The following APBA1 variants were observed in gnomAD, a reference collection of about 807,000 sequenced individuals.
APBA1 encodes the protein amyloid-beta A4 precursor protein-binding family A member 1.
Under a neutral mutation model 86.6 loss-of-function variants are expected in APBA1, and 55 were observed. The ratio of observed to expected loss-of-function variants is 0.64; its 90% CI spans 0.51 to 0.80. APBA1 has a LOEUF of 0.80. Ranked by LOEUF, APBA1 falls within the 30% of genes least tolerant of loss-of-function variation. The probability of loss-of-function intolerance (pLI) is 0.00; values close to 1 mark genes in which losing one functional copy is unlikely to be tolerated. For missense variants in APBA1, 1,090 were observed against 1,183.0 expected, an observed-to-expected ratio of 0.92 and a Z score of 1.15; for synonymous variants, 511 against 493.9, an observed-to-expected ratio of 1.03 and a Z score of -0.46.
rs375965837 is a variant in APBA1 at position 69,499,082 on chromosome 9, G to C, written c.1200+16929C>G. 7.2e-5 allele frequency among the ~76,000 whole-genome samples: 11 copies of C among 152,156 alleles called. No individual in the cohort carries two copies. The East Asian group carries it at 2.1e-3, about 29-fold the overall frequency. On this transcript the variant is annotated intron_variant, in intron 2 of 12. Coordinates refer to ENST00000265381, the MANE Select transcript of APBA1 (RefSeq NM_001163.4). ...AAGCTTCTGGGATGTTGACTTAAAG[G>C]GTATGCCAGCCCCATTTTTCTAAAC...
chr9:69,487,002 C>A (rs1387338917), intron 2 of APBA1, among the ~76,000 whole-genome samples: 1 of 151,882 alleles, frequency 6.6e-6, no homozygotes, highest in East Asian at 1.9e-4. Flanking sequence ...CCACTCTCGC[C>A]CCTTGGAGAT....
chr9:69,590,943 GA>G (rs1451844972), intron 1 of APBA1, among the ~76,000 whole-genome samples: 1 of 152,206 alleles, frequency 6.6e-6, no homozygotes, highest in Non-Finnish European at 1.5e-5. Context: ...GCTTTCTGCT[GA>G]AAGTTTTCTG....
intron 5 of APBA1, 100 bp downstream of exon 5, chr9:69,467,723 C>G (rs1835300733): frequency 6.8e-7 from 1 of 1,480,238 alleles, no homozygotes; most frequent in Non-Finnish European, 9.2e-7. Context: ...TCTCAAACCA[C>G]TCTCCTCTAA....
intron 1 of APBA1, among the ~76,000 whole-genome samples, chr9:69,558,948 C>T (rs1055723897): frequency 6.6e-6 from 1 of 152,204 alleles, no homozygotes; most frequent in Non-Finnish European, 1.5e-5. Context: ...GGCTTTAACT[C>T]CAATTACCAC....
intron 2 of APBA1, among the ~76,000 whole-genome samples, chr9:69,512,134 C>T (rs1300186191): frequency 2.0e-5 from 3 of 151,838 alleles, no homozygotes; most frequent in Non-Finnish European, 2.9e-5. Flanking sequence ...GACAGGTTTT[C>T]ATTATCAATA....
At chr9:69,569,903 C>T (rs1478283040) in intron 1 of APBA1, among the ~76,000 whole-genome samples, 1 of 152,156 alleles carries the variant, frequency 6.6e-6, no homozygotes, top group East Asian at 1.9e-4. Context: ...AATTGCCAGG[C>T]ATGTAATCTT....
chr9:69,502,713 T>C (rs1313308210), intron 2 of APBA1, among the ~76,000 whole-genome samples: 9 of 152,080 alleles, frequency 5.9e-5, no homozygotes, highest in Admixed American at 5.9e-4. Context: ...AAACATTTCA[T>C]TTTTGAAGTA....
At chr9:69,530,970 T>A (rs1313877935) in intron 1 of APBA1, among the ~76,000 whole-genome samples, 1 of 152,216 alleles carries the variant, frequency 6.6e-6, no homozygotes, top group African/African-American at 2.4e-5. Context: ...GAGTCACATA[T>A]GTAATTCAAA....
At chr9:69,637,038 G>A (rs1390468451) in intron 1 of APBA1, among the ~76,000 whole-genome samples, 3 of 152,136 alleles carry the variant, frequency 2.0e-5, no homozygotes, top group Non-Finnish European at 4.4e-5. Context: ...AAAAGAATGA[G>A]ATCCTAAATG....
At chr9:69,434,946 T>A (rs1240762277) in intron 11 of APBA1, among the ~76,000 whole-genome samples, 2 of 59,980 alleles carry the variant, frequency 3.3e-5, no homozygotes, top group Admixed American at 2.6e-4. Flanking sequence ...CCCTCCCCCC[T>A]CCCCCCACCC....
intron 2 of APBA1, among the ~76,000 whole-genome samples, chr9:69,490,789 G>C (rs1835695937): frequency 6.6e-6 from 1 of 152,060 alleles, no homozygotes; most frequent in African/African-American, 2.4e-5. Flanking sequence ...CAAAAAGTGG[G>C]CAAAGGATAT....
intron 1 of APBA1, among the ~76,000 whole-genome samples, chr9:69,540,903 C>T (rs888044366): frequency 1.1e-4 from 16 of 152,288 alleles, no homozygotes; most frequent in African/African-American, 3.9e-4. Flanking sequence ...CCACGCTCAG[C>T]CTTTGACTAT....
intron 1 of APBA1, among the ~76,000 whole-genome samples, chr9:69,523,826 G>A (rs1836301794): frequency 1.3e-5 from 2 of 151,714 alleles, no homozygotes; most frequent in African/African-American, 2.4e-5. Context: ...ACACATGCTT[G>A]GCCATAAAGC....
chr9:69,545,742 G>A (rs1241683895), intron 1 of APBA1, among the ~76,000 whole-genome samples: 2 of 152,166 alleles, frequency 1.3e-5, no homozygotes, highest in East Asian at 1.9e-4. Flanking sequence ...AAGTCATCAC[G>A]CATTCATGAT....
At chr9:69,523,536 C>T (rs201614729) in intron 1 of APBA1, among the ~76,000 whole-genome samples, 259 of 36,098 alleles carry the variant, frequency 7.2e-3, no homozygotes, top group Non-Finnish European at 0.012. Context: ...TATATATAGA[C>T]ACACACACAC....
chr9:69,511,996 C>T (rs1380399562), intron 2 of APBA1, among the ~76,000 whole-genome samples: 11 of 151,460 alleles, frequency 7.3e-5, no homozygotes, highest in Admixed American at 2.6e-4. Flanking sequence ...GTGGGTGCAG[C>T]GCACCAGCAT....
intron 1 of APBA1, among the ~76,000 whole-genome samples, chr9:69,624,002 T>G (rs977693050): frequency 1.1e-4 from 16 of 152,196 alleles, no homozygotes; most frequent in Admixed American, 5.2e-4. Context: ...AAAACATAAA[T>G]CATCATAATC....
chr9:69,500,532 C>T (rs930054314), intron 2 of APBA1, among the ~76,000 whole-genome samples: 4 of 151,964 alleles, frequency 2.6e-5, no homozygotes, highest in Admixed American at 6.5e-5. Flanking sequence ...CTCTGAGCAG[C>T]GCATCTGTGT....
In APBA1 at chr9:69,431,121, T is replaced by C; in HGVS notation, c.*206A>G. The C allele has an allele frequency of 2.2e-6, 1 of 461,294 alleles. No individual in the cohort carries two copies. Among genetic ancestry groups the C allele is most frequent in the Non-Finnish European group, 3.6e-6 (1 of 275,162 alleles). 28.6% of individuals were successfully genotyped at this position (461,294 alleles called of 1,614,324 possible). On this transcript the variant is annotated 3_prime_UTR_variant, in exon 13 of 13. Coordinates refer to ENST00000265381, the MANE Select transcript of APBA1 (RefSeq NM_001163.4). The stretch of plus-strand genomic sequence containing the variant: ...TGCTCTCCATCCTCAAGGGAGTGCA[T>C]ACGAAACTTCCCTGGTATTGAAAAA...
Sources: gnomAD v4.1 joint callset for allele counts (sites outside exome capture counted in the v4.1 genomes callset) on GRCh38, gnomAD v4.1.1 for gene constraint, MANE v1.5 for transcripts, NCBI Gene and HGNC (gene_info 2026-07-23, HGNC 2026-07-21) for gene names.